The following MKLN1 variants were observed in gnomAD, a reference collection of about 807,000 sequenced individuals.
MKLN1 encodes muskelin 1.
In MKLN1, 18 loss-of-function variants were observed where a neutral mutation model predicts 99.0. That is an observed-to-expected ratio of 0.18 (90% CI 0.13 to 0.27). MKLN1 has a LOEUF of 0.27. Ranked by LOEUF, MKLN1 falls within the 10% of genes least tolerant of loss-of-function variation. The pLI, the probability that MKLN1 is intolerant of heterozygous loss-of-function variation, is 1.00. For synonymous variants in MKLN1, 288 were observed against 293.2 expected (o/e 0.98, Z 0.18); for missense variants, 621 against 875.9 (o/e 0.71, Z 3.67).
At chr7:131,247,746 G>C (rs1484913080) in intron 3 of MKLN1, among the ~76,000 whole-genome samples, 1 of 152,156 alleles carries the variant, frequency 6.6e-6, no homozygotes, top group Non-Finnish European at 1.5e-5. Context: ...TTCTATAGTA[G>C]AAGTTATTAG....
At position 131,414,720 on chromosome 7, in the gene MKLN1, AGTTG is replaced by A; in HGVS notation, c.847+11_847+14del. ...ATTGATGTTCAAACAGGTGAGTAGCAGTTGCAGTGGAAAGCAAAATCTTCATTGG... is the reference window on the plus strand; with the variant it reads ...ATTGATGTTCAAACAGGTGAGTAGCACAGTGGAAAGCAAAATCTTCATTGG... On this transcript the variant is annotated intron_variant, in intron 8 of 17. Transcript: ENST00000352689. 1 of 1,582,242 alleles carries A rather than the reference AGTTG, an allele frequency of 6.3e-7. No individual in the cohort carries two copies. The highest frequency in any genetic ancestry group is 2.3e-5 in the East Asian group (1 of 43,140).
chr7:131,424,530 A>C (rs1325219538), intron 8 of MKLN1, among the ~76,000 whole-genome samples: 6 of 152,250 alleles, frequency 3.9e-5, no homozygotes, highest in Non-Finnish European at 7.3e-5. Context: ...TCCATTGTGC[A>C]AAAAGACACT....
intron 10 of MKLN1, among the ~76,000 whole-genome samples, chr7:131,441,799 G>T (rs891048496): frequency 1.3e-5 from 2 of 152,126 alleles, no homozygotes; most frequent in African/African-American, 4.8e-5. Context: ...AAAGGTAGGG[G>T]GTTGGTAACA....
At chr7:131,473,857 A>G (rs1046306852) in intron 16 of MKLN1, among the ~76,000 whole-genome samples, 11 of 152,214 alleles carry the variant, frequency 7.2e-5, no homozygotes, top group African/African-American at 2.7e-4. Context: ...TTAGAATTGA[A>G]TAAGTACTGG....
chr7:131,315,413 C>G (rs887119792), intron 3 of MKLN1, among the ~76,000 whole-genome samples: 4 of 152,184 alleles, frequency 2.6e-5, no homozygotes, highest in Non-Finnish European at 5.9e-5. Context: ...AGCCGGAGAT[C>G]AGGAGAGTCC....
chr7:131,306,990 C>A (rs529333463), intron 3 of MKLN1, among the ~76,000 whole-genome samples: 2 of 152,250 alleles, frequency 1.3e-5, no homozygotes, highest in East Asian at 3.9e-4. Flanking sequence ...GGTACCAGGG[C>A]CCCACTACTC....
intron 11 of MKLN1, among the ~76,000 whole-genome samples, chr7:131,445,303 A>G (rs1015343634): frequency 6.6e-6 from 1 of 152,072 alleles, no homozygotes; most frequent in Non-Finnish European, 1.5e-5. Flanking sequence ...ACATCAAGGT[A>G]TTATTTTTGG....
intron 3 of MKLN1, among the ~76,000 whole-genome samples, chr7:131,322,861 C>T (rs1379368079): frequency 6.6e-6 from 1 of 152,154 alleles, no homozygotes; most frequent in South Asian, 2.1e-4. Flanking sequence ...TGAGCCACCG[C>T]GCCCGGCCAC....
intron 3 of MKLN1, among the ~76,000 whole-genome samples, chr7:131,301,452 ACATAAGAAAGGTCT>A (rs1271485704): frequency 6.6e-6 from 1 of 152,222 alleles, no homozygotes. Flanking sequence ...GAAGTCATCA[ACATAAGAAAGGTCT>A]CTATTAAAAA....
At chr7:131,272,946 G>A (rs1797909680) in intron 3 of MKLN1, among the ~76,000 whole-genome samples, 1 of 152,210 alleles carries the variant, frequency 6.6e-6, no homozygotes, top group Admixed American at 6.5e-5. Flanking sequence ...CAGGGTCTCT[G>A]CAAAACATAG....
At chr7:131,188,141 C>T (rs993240083) in intron 2 of MKLN1, among the ~76,000 whole-genome samples, 5 of 152,098 alleles carry the variant, frequency 3.3e-5, no homozygotes, top group Non-Finnish European at 5.9e-5. Context: ...ATTGCACATA[C>T]GTTACCCATA....
At chr7:131,176,651 G>A (rs764321081) in intron 2 of MKLN1, among the ~76,000 whole-genome samples, 4 of 152,208 alleles carry the variant, frequency 2.6e-5, no homozygotes, top group Non-Finnish European at 4.4e-5. Flanking sequence ...TTCAGCTACT[G>A]TGCTGGCCAA....
intron 3 of MKLN1, among the ~76,000 whole-genome samples, chr7:131,321,732 A>G (rs1433937777): frequency 6.6e-6 from 1 of 152,212 alleles, no homozygotes; most frequent in African/African-American, 2.4e-5. Flanking sequence ...CAAAACCAAT[A>G]AGCCTTTATC....
intron 2 of MKLN1, among the ~76,000 whole-genome samples, chr7:131,172,003 G>T (rs527451771): frequency 6.6e-6 from 1 of 152,294 alleles, no homozygotes; most frequent in South Asian, 2.1e-4. Flanking sequence ...TTGGGGCCAG[G>T]TGGAGAAGAG....
intron 3 of MKLN1, among the ~76,000 whole-genome samples, chr7:131,262,334 G>A (rs1797744687): frequency 1.3e-5 from 2 of 151,912 alleles, no homozygotes; most frequent in African/African-American, 4.8e-5. Flanking sequence ...CTACTTGGGA[G>A]GCTGAGGCAG....
chr7:131,230,492 G>C (rs1362816853), intron 3 of MKLN1, among the ~76,000 whole-genome samples: 1 of 152,184 alleles, frequency 6.6e-6, no homozygotes, highest in Non-Finnish European at 1.5e-5. Flanking sequence ...TCCCTTGTAG[G>C]GGCCAAAGCA....
intron 1 of MKLN1, among the ~76,000 whole-genome samples, chr7:131,364,566 C>T (rs990700683): frequency 6.6e-6 from 1 of 151,848 alleles, no homozygotes; most frequent in Non-Finnish European, 1.5e-5. Context: ...TGTTTCATCA[C>T]CCAGGTATTA....
chr7:131,205,093 G>A (rs1295647557), intron 3 of MKLN1, among the ~76,000 whole-genome samples: 2 of 134,430 alleles, frequency 1.5e-5, no homozygotes, highest in African/African-American at 6.3e-5. Flanking sequence ...ACAAGACTCC[G>A]TCTCAAAAAA....
rs1584795985 is a variant in MKLN1, at chr7:131,491,760, A to G, written c.*4032A>G. 6.5e-6 allele frequency: 1 copy of G among 152,724 alleles called. No homozygotes were observed. The highest frequency in any genetic ancestry group is 1.9e-4 in the East Asian group (1 of 5,180). The allele number at this position is 152,724 out of a possible 1,614,324, so 9.5% of individuals were successfully genotyped here. A position where few individuals can be genotyped will look rare whatever the true frequency, so the allele number is the denominator to read the frequency against. On this transcript the variant is annotated 3_prime_UTR_variant, in exon 18 of 18. Coordinates refer to ENST00000352689, the MANE Select transcript of MKLN1 (RefSeq NM_013255.5). ...ATGCTGTATTAGAGGTTCTATTTAT[A>G]TATGATTTTTAAAACTTTGGTTTCC...
Sources: allele counts gnomAD v4.1 joint callset (sites outside exome capture counted in the v4.1 genomes callset), GRCh38; gene constraint gnomAD v4.1.1; transcripts MANE v1.5; gene names NCBI Gene and HGNC (gene_info 2026-07-23, HGNC 2026-07-21).